UGT2B11: variants seen among roughly 807,000 people sequenced by gnomAD.
UGT2B11 encodes UDP glucuronosyltransferase family 2 member B11.
A neutral mutation model predicts 51.7 loss-of-function variants in UGT2B11; 49 were observed. That is an observed-to-expected ratio of 0.95 (90% CI 0.75 to 1.20). UGT2B11 has a LOEUF of 1.20. Among genes scored for constraint, UGT2B11 ranks in the 50% most tolerant of loss-of-function variants. The pLI is 0.00. For synonymous variants in UGT2B11, 273 were observed against 209.0 expected (o/e 1.31, Z -2.64); for missense variants, 810 against 622.1 (o/e 1.30, Z -3.21).
chr4:69,212,670 A>G lies in UGT2B11; in HGVS notation c.773T>C (p.Met258Thr), dbSNP rs1165178526. 12 of 1,610,578 alleles carry G rather than the reference A, an allele frequency of 7.5e-6. No individual in the cohort carries two copies. The highest frequency in any genetic ancestry group is 9.3e-6 in the Non-Finnish European group (11 of 1,177,760). Residue 258 changes from methionine to threonine, a missense_variant, in exon 2 of 6, where the codon ATG (methionine) becomes ACG (threonine). Transcript: ENST00000446444. ...ETMGKADIWLMRNSWSFQFPH... is the reference protein window; with the variant it reads ...ETMGKADIWLTRNSWSFQFPH... ...AAATTGAAAACTCCAGGAGTTTCGC[A>G]TAAGCCATATGTCAGCTTTTCCCAT...
At chr4:69,210,854 T>C (rs1244797780) in intron 2 of UGT2B11, among the ~76,000 whole-genome samples, 2 of 151,650 alleles carry the variant, frequency 1.3e-5, no homozygotes, top group Admixed American at 1.3e-4. Context: ...AATAATGCAT[T>C]GAAGAATGCT....
In UGT2B11 at chr4:69,200,334, T is replaced by TTTTTTTTTTTAAAA; in HGVS notation, c.*105_*106insTTTTAAAAAAAAAA. ...AAAATTTTTTTTTTTTTTTTTTTTT[T>TTTTTTTTTTTAAAA]GTCACAGGAAGAAAGAAATCTTGCA... is the stretch of plus-strand genomic sequence containing the variant. On this transcript the variant is annotated 3_prime_UTR_variant, in exon 6 of 6. Transcript: ENST00000446444. 9.2e-7 allele frequency: 1 copy of TTTTTTTTTTTAAAA among 1,086,976 alleles called. No individual in the cohort carries two copies. Among genetic ancestry groups the TTTTTTTTTTTAAAA allele is most frequent in the Non-Finnish European group, 1.2e-6 (1 of 854,144 alleles). The allele number at this position is 1,086,976 out of a possible 1,614,324, so 67.3% of individuals were successfully genotyped here. A position where few individuals can be genotyped will look rare whatever the true frequency, so the allele number is the denominator to read the frequency against.
chr4:69,208,231 T>C, intron 3 of UGT2B11, 120 bp downstream of exon 3: 3 of 1,540,998 alleles, frequency 1.9e-6, no homozygotes, highest in Non-Finnish European at 2.6e-6. Flanking sequence ...CATAAGCATA[T>C]TTAAGGATGT....
the UGT2B11 span, among the ~76,000 whole-genome samples, chr4:69,220,823 T>C: frequency 6.6e-6 from 1 of 152,134 alleles, no homozygotes; most frequent in Non-Finnish European, 1.5e-5. Flanking sequence ...AGGTTCCTCC[T>C]CTTTCAACTG....
At chr4:69,201,577 TCTC>T (rs912093821) in intron 5 of UGT2B11, among the ~76,000 whole-genome samples, 8 of 151,922 alleles carry the variant, frequency 5.3e-5, no homozygotes, top group Non-Finnish European at 1.0e-4. Context: ...CCAAAGGTGT[TCTC>T]ATCTTAGAAC....
chr4:69,221,653 ACG>A, the UGT2B11 span, among the ~76,000 whole-genome samples: 2 of 135,658 alleles, frequency 1.5e-5, no homozygotes, highest in Non-Finnish European at 3.3e-5. Context: ...AGCTGAGGAG[ACG>A]AGAGAAATAC....
At position 69,200,336 on chromosome 4, in the gene UGT2B11, TCACAGGA is replaced by T; in HGVS notation, c.*97_*103del. The T allele has an allele frequency of 9.2e-7, 1 of 1,089,436 alleles. No individual in the cohort carries two copies. Among genetic ancestry groups the T allele is most frequent in the Non-Finnish European group, 1.2e-6 (1 of 854,690 alleles). 67.5% of individuals were successfully genotyped at this position (1,089,436 alleles called of 1,614,324 possible). ...AATTTTTTTTTTTTTTTTTTTTTTG[TCACAGGA>T]AGAAAGAAATCTTGCATAACAATCT... On this transcript the variant is annotated 3_prime_UTR_variant, in exon 6 of 6. Transcript: ENST00000446444.
At chr4:69,224,534 G>A in the UGT2B11 span, among the ~76,000 whole-genome samples, 1 of 152,044 alleles carries the variant, frequency 6.6e-6, no homozygotes, top group Non-Finnish European at 1.5e-5. Flanking sequence ...AGAGGTGCCC[G>A]GTTTAGCCTC....
the UGT2B11 span, among the ~76,000 whole-genome samples, chr4:69,221,673 C>A: frequency 6.6e-6 from 1 of 152,224 alleles, no homozygotes; most frequent in South Asian, 2.1e-4. Flanking sequence ...TACCTGGTTA[C>A]AGGCTGTCCT....
chr4:69,211,091 A>C (rs1055700679), intron 2 of UGT2B11: 3 of 151,546 alleles, frequency 2.0e-5, no homozygotes, highest in Non-Finnish European at 3.0e-5. Flanking sequence ...AGACAAGTTC[A>C]TCCAGAAAGC....
chr4:69,223,526 C>T, the UGT2B11 span, among the ~76,000 whole-genome samples: 1 of 152,210 alleles, frequency 6.6e-6, no homozygotes, highest in Non-Finnish European at 1.5e-5. Flanking sequence ...TTATTGTGGT[C>T]CTTCTGCCAA....
At chr4:69,223,051 G>A in the UGT2B11 span, among the ~76,000 whole-genome samples, 1 of 152,090 alleles carries the variant, frequency 6.6e-6, no homozygotes, top group African/African-American at 2.4e-5. Flanking sequence ...GGCAAAGAAA[G>A]CTTGTACATA....
chr4:69,218,808 G>A (rs563216238), upstream of UGT2B11, among the ~76,000 whole-genome samples: 3 of 152,020 alleles, frequency 2.0e-5, no homozygotes, highest in Admixed American at 6.6e-5. Flanking sequence ...TTCTTATATA[G>A]GAGTTGTCTC....
At chr4:69,210,925 C>G (rs1357714495) in intron 2 of UGT2B11, 1 of 151,520 alleles carries the variant, frequency 6.6e-6, no homozygotes, top group East Asian at 1.9e-4. Flanking sequence ...TTCTTGTGTT[C>G]CTTCAAAAAG....
At chr4:69,220,927 C>T in the UGT2B11 span, among the ~76,000 whole-genome samples, 2 of 152,102 alleles carry the variant, frequency 1.3e-5, no homozygotes, top group Non-Finnish European at 2.9e-5. Flanking sequence ...GTAGCTAATT[C>T]CATGTCATCA....
Position 69,208,597 on chromosome 4 carries a change from A to G in UGT2B11, c.871-115T>C, listed in dbSNP as rs567192122. 5,024 of 1,507,528 alleles carry G rather than the reference A, an allele frequency of 3.3e-3. 16 individuals are homozygous for G. Among genetic ancestry groups the G allele is most frequent in the Admixed American group, 4.3e-3 (193 of 44,420 alleles). The allele number at this position is 1,507,528 out of a possible 1,614,324, so 93.4% of individuals were successfully genotyped here. The stretch of plus-strand genomic sequence containing the variant: ...TCAAGTATTTTGAGGAATTATTGGA[A>G]TTAATAATATTTTTTAACTGAATCA... On this transcript the variant is annotated intron_variant, in intron 2 of 5. Transcript: ENST00000446444.
chr4:69,202,976 T>C (rs1338780310), intron 5 of UGT2B11, among the ~76,000 whole-genome samples: 1 of 151,674 alleles, frequency 6.6e-6, no homozygotes, highest in East Asian at 1.9e-4. Flanking sequence ...CGCAGGTAAT[T>C]TTTCACATTG....
chr4:69,208,595 G>T (rs546980918), intron 2 of UGT2B11, 113 bp from the exon 3 acceptor site: 9 of 1,509,864 alleles, frequency 6.0e-6, no homozygotes, highest in Non-Finnish European at 7.1e-6. Context: ...GGAATTATTG[G>T]AATTAATAAT....
At position 69,214,076 on chromosome 4, in the gene UGT2B11, T is replaced by G; in HGVS notation, c.647A>C (p.Tyr216Ser). 2 of 1,610,822 alleles carry G rather than the reference T, an allele frequency of 1.2e-6. No individual in the cohort carries two copies. Among genetic ancestry groups the G allele is most frequent in the Non-Finnish European group, 1.7e-6 (2 of 1,178,476 alleles). The change falls in exon 1 of 6, where the codon TAT (tyrosine) becomes TCT (serine). Residue 216 changes from tyrosine to serine, a missense_variant. Physicochemically the swap from Tyr to Ser is moderately radical, Grantham distance 144. Coordinates refer to ENST00000446444, the MANE Select transcript of UGT2B11 (RefSeq NM_001073.3). ...GAACCAAAAGTCAAAATAAAGCACA[T>G]AGATCATATTTTTTACCCTCTCCAT... ...TFMERVKNMI[Y>S]VLYFDFWFQM...
Sources: allele counts gnomAD v4.1 joint callset (sites outside exome capture counted in the v4.1 genomes callset), GRCh38; gene constraint gnomAD v4.1.1; transcripts MANE v1.5; gene names NCBI Gene and HGNC (gene_info 2026-07-23, HGNC 2026-07-21).